NDUFA1: variants seen among roughly 807,000 people sequenced by gnomAD.
NDUFA1 encodes the protein NADH:ubiquinone oxidoreductase subunit A1.
For missense variants in NDUFA1, 42 were observed against 56.0 expected (o/e 0.75, Z 0.80); for synonymous variants, 21 against 20.0 (o/e 1.05, Z -0.14).
At position 119,871,935 on chromosome X, in the gene NDUFA1, A is replaced by C. The variant is rs777037696; in HGVS notation, c.24A>C (p.Gly8=). The C allele has an allele frequency of 8.3e-7, 1 of 1,210,716 alleles. No individual in the cohort carries two copies. The highest frequency in any genetic ancestry group is 1.8e-5 in the South Asian group (1 of 56,944). Reference sequence around the variant, plus strand: ...AGATGTGGTTCGAGATTCTCCCCGGACTCTCCGTCATGGGCGTGTGCTTGT... The same window carrying C: ...AGATGTGGTTCGAGATTCTCCCCGGCCTCTCCGTCATGGGCGTGTGCTTGT... MWFEILP[G]LSVMGVCLLI... Residue 8 remains glycine (G), a synonymous_variant, in exon 1 of 3, where the codon GGA becomes GGC. Coordinates refer to ENST00000371437, the MANE Select transcript of NDUFA1 (RefSeq NM_004541.4).
rs1162434769 is a variant in NDUFA1 at position 119,876,537 on chromosome X, A to G, written c.*3A>G. The G allele has an allele frequency of 8.3e-7, 1 of 1,209,084 alleles. No homozygotes were observed. ...AGGGTTTGGAGAACATTGATTAAGG[A>G]AGCATTTTCCTGATTGATGAAAAAA... On this transcript the variant is annotated 3_prime_UTR_variant, in exon 3 of 3. Transcript: ENST00000371437.
At chrX:119,872,707 G>C (rs7057865) in intron 1 of NDUFA1, among the ~76,000 whole-genome samples, 2 of 100,937 alleles carry the variant, frequency 2.0e-5, no homozygotes, top group Non-Finnish European at 4.0e-5. Flanking sequence ...TTTTGTAGAG[G>C]CGGGGTTTCA....
rs757935805 is a variant in NDUFA1, at chrX:119,873,340, C to G, written c.139C>G (p.Leu47Val). ...TGCTCATTTTGGGTATCACTGGAGTCTGATGGAAAGAGATAGGCGCATCTC... is the reference window on the plus strand; with the variant it reads ...TGCTCATTTTGGGTATCACTGGAGTGTGATGGAAAGAGATAGGCGCATCTC... ...RVAHFGYHWS[L>V]MERDRRISGV... The change falls in exon 2 of 3, where the codon CTG becomes GTG. Residue 47 changes from leucine to valine, a missense_variant. By Grantham distance (32) the Leu-to-Val change is conservative. Coordinates refer to ENST00000371437, the MANE Select transcript of NDUFA1 (RefSeq NM_004541.4). The G allele has an allele frequency of 2.5e-6, 3 of 1,208,568 alleles. No individual in the cohort carries two copies. The highest frequency in any genetic ancestry group is 3.4e-6 in the Non-Finnish European group (3 of 894,650).
In NDUFA1 at chrX:119,875,317, C is replaced by CTTTTTT. The variant is rs61235666; in HGVS notation, c.193-1177_193-1172dup. ...AGAAGAAGTGTCATCACTGATGAGT[C>CTTTTTT]TTTTTTTTTTTTTTTTTTTTTTTTT... is the stretch of plus-strand genomic sequence containing the variant. On this transcript the variant is annotated intron_variant, in intron 2 of 2. Coordinates refer to ENST00000371437, the MANE Select transcript of NDUFA1 (RefSeq NM_004541.4). 2.3e-3 allele frequency among the ~76,000 whole-genome samples: 135 copies of CTTTTTT among 59,629 alleles called. 3 individuals carry two copies. Among genetic ancestry groups the CTTTTTT allele is most frequent in the African/African-American group, 4.4e-3 (59 of 13,512 alleles). The allele number at this position is 59,629 out of a possible 115,157, so 51.8% of individuals were successfully genotyped here.
At chrX:119,872,934 C>T (rs781634052) in intron 1 of NDUFA1, among the ~76,000 whole-genome samples, 1 of 110,233 alleles carries the variant, frequency 9.1e-6, no homozygotes, top group East Asian at 2.8e-4. Context: ...TTCACATCAT[C>T]TCAAGAGTAC....
Position 119,876,631 on chromosome X carries a change from T to C in NDUFA1, c.*97T>C, listed in dbSNP as rs11554225. 1.3e-5 allele frequency: 10 copies of C among 759,920 alleles called. No individual in the cohort carries two copies. In the East Asian group the frequency reaches 3.2e-4, roughly 24 times the overall value. 62.6% of individuals were successfully genotyped at this position (759,920 alleles called of 1,213,427 possible). ...GTATTATGTAGCATGCAATGTGTTA[T>C]GTAGTGCTTAATAAAAATAAAATGA... On this transcript the variant is annotated 3_prime_UTR_variant, in exon 3 of 3. Coordinates refer to ENST00000371437, the MANE Select transcript of NDUFA1 (RefSeq NM_004541.4).
intron 1 of NDUFA1, among the ~76,000 whole-genome samples, chrX:119,872,645 T>A (rs1603374847): frequency 9.2e-6 from 1 of 108,939 alleles, no homozygotes; most frequent in East Asian, 2.9e-4. Context: ...GAAAGAAATT[T>A]TCCTGCTTCA....
At chrX:119,872,268 G>C (rs1376762955) in intron 1 of NDUFA1, among the ~76,000 whole-genome samples, 4 of 111,822 alleles carry the variant, frequency 3.6e-5, no homozygotes, top group Non-Finnish European at 7.5e-5. Flanking sequence ...AGGTAGATTA[G>C]AAAAGGTGGC....
At chrX:119,875,338 T>TTTTTG in intron 2 of NDUFA1, among the ~76,000 whole-genome samples, 1 of 96,662 alleles carries the variant, frequency 1.0e-5, no homozygotes, top group African/African-American at 4.1e-5. Flanking sequence ...TTTTTTTTTT[T>TTTTTG]TTTTGAGACG....
At chrX:119,874,280 C>CAAA (rs748783388) in intron 2 of NDUFA1, among the ~76,000 whole-genome samples, 1 of 33,999 alleles carries the variant, frequency 2.9e-5, no homozygotes, top group Non-Finnish European at 5.4e-5. Flanking sequence ...GAGCCTGTCT[C>CAAA]AAAAAAAAAA....
chrX:119,873,137 A>T lies in NDUFA1; in HGVS notation c.103-167A>T, dbSNP rs1031912167. 3.8e-5 allele frequency among the ~76,000 whole-genome samples: 4 copies of T among 105,962 alleles called. No homozygotes were observed. The East Asian group carries it at 9.1e-4, about 24-fold the overall frequency. The allele number at this position is 105,962 out of a possible 115,157, so 92.0% of individuals were successfully genotyped here. On this transcript the variant is annotated intron_variant, in intron 1 of 2. Transcript: ENST00000371437. The stretch of plus-strand genomic sequence containing the variant: ...AGGTACCAACTTAATCCTAAAGTTT[A>T]GTGGTCTGATTTTATTTAGGAGATT...
intron 2 of NDUFA1, among the ~76,000 whole-genome samples, chrX:119,873,945 C>T (rs911237635): frequency 3.1e-4 from 35 of 111,313 alleles, no homozygotes; most frequent in Non-Finnish European, 5.3e-4. Context: ...CCTCAGCCTT[C>T]GGAGGAGCTG....
rs61235666 is a variant in NDUFA1, at chrX:119,875,317, CTTTTTTTTTTTTT to C, written c.193-1184_193-1172del. On this transcript the variant is annotated intron_variant, in intron 2 of 2. Transcript: ENST00000371437. ...AGAAGAAGTGTCATCACTGATGAGT[CTTTTTTTTTTTTT>C]TTTTTTTTTTTTGAGACGGAGTCTT... Among the ~76,000 whole-genome samples the C allele has an allele frequency of 1.3e-4, 8 of 59,640 alleles. 1 individual carries two copies. In the South Asian group the frequency reaches 3.2e-3, roughly 24 times the overall value. 51.8% of individuals were successfully genotyped at this position (59,640 alleles called of 115,157 possible).
chrX:119,874,789 C>G (rs920751633), intron 2 of NDUFA1, among the ~76,000 whole-genome samples: 2 of 111,573 alleles, frequency 1.8e-5, no homozygotes, highest in African/African-American at 6.5e-5. Flanking sequence ...TTTCCTAACT[C>G]CTGACCTCAA....
At chrX:119,872,048 G>T in intron 1 of NDUFA1, 35 bp downstream of exon 1, 1 of 1,174,733 alleles carries the variant, frequency 8.5e-7, no homozygotes, top group Non-Finnish European at 1.2e-6. Context: ...CGACTCCACG[G>T]GCTGATTTCC....
At chrX:119,875,114 A>G (rs1407611651) in intron 2 of NDUFA1, among the ~76,000 whole-genome samples, 1 of 110,769 alleles carries the variant, frequency 9.0e-6, no homozygotes, top group Non-Finnish European at 1.9e-5. Context: ...ATATCTACTT[A>G]TCTGGAGCCA....
intron 2 of NDUFA1, 45 bp downstream of exon 2, chrX:119,873,438 G>A (rs1490333818): frequency 9.3e-7 from 1 of 1,080,838 alleles, no homozygotes. Flanking sequence ...GGTTGAGGTG[G>A]GTTCTGGTAA....
intron 2 of NDUFA1, among the ~76,000 whole-genome samples, chrX:119,874,563 T>C (rs1460551503): frequency 9.0e-6 from 1 of 111,551 alleles, no homozygotes; most frequent in Non-Finnish European, 1.9e-5. Context: ...TCTGTCTTTT[T>C]TTTTGTTTTT....
chrX:119,872,273 G>C (rs185648761), intron 1 of NDUFA1, among the ~76,000 whole-genome samples: 1 of 111,711 alleles, frequency 9.0e-6, no homozygotes, highest in Non-Finnish European at 1.9e-5. Flanking sequence ...GATTAGAAAA[G>C]GTGGCTCAAG....
Sources: allele counts gnomAD v4.1 joint callset (sites outside exome capture counted in the v4.1 genomes callset), GRCh38; gene constraint gnomAD v4.1.1; transcripts MANE v1.5; gene names NCBI Gene and HGNC (gene_info 2026-07-23, HGNC 2026-07-21).